The following RBFOX1 variants were observed in gnomAD, a reference collection of about 807,000 sequenced individuals.
The protein encoded by RBFOX1 is RNA binding fox-1 homolog 1, also known as RNA binding protein fox-1 homolog 1.
In RBFOX1, 8 loss-of-function variants were observed where a neutral mutation model predicts 57.7. The observed-to-expected ratio is 0.14, with a 90% CI of 0.08 to 0.25. The LOEUF is 0.25. RBFOX1 is among the 10% of genes least tolerant of loss of function. The pLI is 1.00. For missense variants in RBFOX1, 611 were observed against 548.5 expected (o/e 1.11, Z -1.14); for synonymous variants, 326 against 222.4 (o/e 1.47, Z -4.15).
At chr16:5,796,371 G>T (rs989071920) in intron 3 of RBFOX1, among the ~76,000 whole-genome samples, 4 of 152,196 alleles carry the variant, frequency 2.6e-5, no homozygotes, top group Non-Finnish European at 4.4e-5. Context: ...CTCAATCCAG[G>T]ATCTGGACCA....
chr16:5,302,359 T>C (rs1259249981), intron 1 of RBFOX1, among the ~76,000 whole-genome samples: 3 of 152,228 alleles, frequency 2.0e-5, no homozygotes, highest in Non-Finnish European at 4.4e-5. Flanking sequence ...CAGCAGCATA[T>C]GGTCTCTCTT....
At chr16:6,061,020 G>C (rs990795108) in intron 1 of RBFOX1, among the ~76,000 whole-genome samples, 3 of 152,024 alleles carry the variant, frequency 2.0e-5, no homozygotes, top group African/African-American at 7.2e-5. Context: ...ACAGAACCTG[G>C]TTGGTCCAGC....
chr16:7,614,795 A>G (rs533595937), intron 10 of RBFOX1: 1 of 152,342 alleles, frequency 6.6e-6, no homozygotes, highest in African/African-American at 2.4e-5. Context: ...TTTCTCCTCA[A>G]ATCCTTATGA....
chr16:5,616,556 T>C (rs1400072786), intron 3 of RBFOX1, among the ~76,000 whole-genome samples: 2 of 149,162 alleles, frequency 1.3e-5, no homozygotes, highest in African/African-American at 5.0e-5. Context: ...CTCTCCCTCC[T>C]CCTCCTCCTC....
intron 4 of RBFOX1, among the ~76,000 whole-genome samples, chr16:7,511,059 A>G (rs1352647204): frequency 6.6e-6 from 1 of 152,208 alleles, no homozygotes; most frequent in Non-Finnish European, 1.5e-5. Flanking sequence ...GAGTGTGCAC[A>G]CACACATACC....
At chr16:6,276,421 G>C (rs1333706523) in intron 1 of RBFOX1, among the ~76,000 whole-genome samples, 1 of 152,092 alleles carries the variant, frequency 6.6e-6, no homozygotes, top group Non-Finnish European at 1.5e-5. Context: ...TACCACCTCT[G>C]CCTCCTGGGT....
At chr16:5,403,943 C>G (rs1046848541) in intron 1 of RBFOX1, among the ~76,000 whole-genome samples, 1 of 151,416 alleles carries the variant, frequency 6.6e-6, no homozygotes. Flanking sequence ...GAAGACACCT[C>G]TGGGGAGGGA....
chr16:5,551,638 C>T (rs562150167), intron 2 of RBFOX1, among the ~76,000 whole-genome samples: 2 of 152,208 alleles, frequency 1.3e-5, no homozygotes, highest in Admixed American at 1.3e-4. Flanking sequence ...CAAATCTCAG[C>T]TCTTTTTTTT....
intron 5 of RBFOX1, among the ~76,000 whole-genome samples, chr16:7,556,837 G>C (rs1255200370): frequency 1.3e-5 from 2 of 152,262 alleles, no homozygotes; most frequent in African/African-American, 4.8e-5. Context: ...ATAATTCTTT[G>C]TTGAATCAGA....
chr16:6,242,715 C>T (rs2097546584), intron 1 of RBFOX1, among the ~76,000 whole-genome samples: 1 of 151,150 alleles, frequency 6.6e-6, no homozygotes, highest in Non-Finnish European at 1.5e-5. Flanking sequence ...ATTAGCATTG[C>T]ATCTTTTTAT....
At chr16:6,745,304 A>G (rs1407022138) in intron 3 of RBFOX1, among the ~76,000 whole-genome samples, 3 of 152,146 alleles carry the variant, frequency 2.0e-5, no homozygotes, top group Non-Finnish European at 4.4e-5. Context: ...TCTATGAGGC[A>G]ACGATTACTG....
chr16:7,440,468 T>G (rs1397869398), intron 4 of RBFOX1, among the ~76,000 whole-genome samples: 1 of 152,166 alleles, frequency 6.6e-6, no homozygotes, highest in Non-Finnish European at 1.5e-5. Context: ...ATGATGGGTA[T>G]GGCTTATGAA....
At chr16:7,165,077 TTTGTCTTTG>T (rs1399335715) in intron 4 of RBFOX1, among the ~76,000 whole-genome samples, 1 of 152,158 alleles carries the variant, frequency 6.6e-6, no homozygotes, top group Non-Finnish European at 1.5e-5. Flanking sequence ...AATTCCCACC[TTTGTCTTTG>T]GTAGCCAAGG....
At chr16:7,378,259 T>G (rs2097721331) in intron 4 of RBFOX1, among the ~76,000 whole-genome samples, 1 of 152,136 alleles carries the variant, frequency 6.6e-6, no homozygotes, top group Non-Finnish European at 1.5e-5. Context: ...AGCCTTTTCC[T>G]CCTGAGGGCA....
Position 7,168,563 on chromosome 16 carries a change from G to T in RBFOX1, c.27+116465G>T, listed in dbSNP as rs542211461. Among the ~76,000 whole-genome samples the T allele has an allele frequency of 3.3e-5, 5 of 152,088 alleles. No individual in the cohort carries two copies. In the East Asian group the frequency reaches 7.7e-4, roughly 24 times the overall value. On this transcript the variant is annotated intron_variant, in intron 4 of 15. Transcript: ENST00000550418. Reference sequence around the variant, plus strand: ...AGTTGCAGAAAAATGGCCACACACAGAAGAAAGAAGTTAGAAGGGTTTTTC... The same window carrying T: ...AGTTGCAGAAAAATGGCCACACACATAAGAAAGAAGTTAGAAGGGTTTTTC...
At chr16:7,003,923 C>T (rs1198376588) in intron 3 of RBFOX1, 2 of 150,730 alleles carry the variant, frequency 1.3e-5, no homozygotes, top group African/African-American at 4.9e-5. Context: ...ATTAGGAGAA[C>T]TGTCAATAAA....
chr16:6,676,186 C>T (rs1441352344), intron 3 of RBFOX1, among the ~76,000 whole-genome samples: 1 of 150,420 alleles, frequency 6.6e-6, no homozygotes, highest in Non-Finnish European at 1.5e-5. Flanking sequence ...ACACACTTCC[C>T]TAGGTCAACT....
intron 1 of RBFOX1, among the ~76,000 whole-genome samples, chr16:6,040,879 C>T (rs904682527): frequency 5.3e-5 from 8 of 152,156 alleles, no homozygotes; most frequent in African/African-American, 1.9e-4. Flanking sequence ...CAGGCTTGAG[C>T]CACCACACCC....
chr16:5,560,573 A>G lies in RBFOX1; in HGVS notation c.259-38329A>G, dbSNP rs568555905. On this transcript the variant is annotated intron_variant, in intron 2 of 2. Transcript: ENST00000585867. ...CCTGTCATCTGTGCATCACTGTACA[A>G]GGTCAAATGTGGTGCCTATTTTTGG... Among the ~76,000 whole-genome samples the G allele has an allele frequency of 8.5e-5, 13 of 152,338 alleles. No individual in the cohort carries two copies. In the South Asian group the frequency reaches 2.7e-3, roughly 32 times the overall value.
Sources: allele counts gnomAD v4.1 joint callset (sites outside exome capture counted in the v4.1 genomes callset), GRCh38; gene constraint gnomAD v4.1.1; transcripts MANE v1.5; gene names NCBI Gene and HGNC (gene_info 2026-07-23, HGNC 2026-07-21).